CSMD1: variants seen among roughly 807,000 people sequenced by gnomAD.
CSMD1 encodes the protein CUB and Sushi multiple domains 1.
CSMD1 carries 213 observed loss-of-function variants against 417.5 expected under a neutral mutation model. The ratio of observed to expected loss-of-function variants is 0.51; its 90% CI spans 0.46 to 0.57. CSMD1 has a LOEUF of 0.57. Among genes scored for constraint, CSMD1 ranks in the 20% least tolerant of loss-of-function variants. The pLI, the probability that CSMD1 is intolerant of heterozygous loss-of-function variation, is 0.00. For synonymous variants in CSMD1, 2,862 were observed against 1,736.8 expected (o/e 1.65, Z -16.11); for missense variants, 6,923 against 4,529.7 (o/e 1.53, Z -15.17).
intron 54 of CSMD1, among the ~76,000 whole-genome samples, chr8:2,985,221 T>C (rs902337079): frequency 3.3e-5 from 5 of 152,230 alleles, no homozygotes; most frequent in African/African-American, 1.2e-4. Context: ...CTTTATTTTG[T>C]TTTCAAAAAG....
intron 7 of CSMD1, among the ~76,000 whole-genome samples, chr8:3,638,728 T>C (rs980896806): frequency 1.3e-5 from 2 of 152,152 alleles, no homozygotes; most frequent in Non-Finnish European, 2.9e-5. Context: ...GAATACAGAA[T>C]GTAGCTGTGA....
At chr8:4,457,168 G>C (rs538311669) in intron 2 of CSMD1, among the ~76,000 whole-genome samples, 1 of 152,030 alleles carries the variant, frequency 6.6e-6, no homozygotes, top group South Asian at 2.1e-4. Context: ...TGGGTTTTAC[G>C]GACCTAGATG....
chr8:4,101,196 C>T (rs892126814), intron 3 of CSMD1, among the ~76,000 whole-genome samples: 8 of 152,216 alleles, frequency 5.3e-5, no homozygotes, highest in African/African-American at 1.9e-4. Flanking sequence ...TATATGCCTA[C>T]ATACACGTAT....
At chr8:3,763,881 C>G (rs907844455) in intron 5 of CSMD1, among the ~76,000 whole-genome samples, 3 of 152,092 alleles carry the variant, frequency 2.0e-5, no homozygotes, top group Admixed American at 6.6e-5. Flanking sequence ...CCTCAGCACC[C>G]CTGACTGGAG....
chr8:4,902,276 A>T (rs1262152862), intron 1 of CSMD1, among the ~76,000 whole-genome samples: 1 of 72,252 alleles, frequency 1.4e-5, no homozygotes, highest in African/African-American at 5.6e-5. Flanking sequence ...TCTATCTATT[A>T]AAAAAAAAAA....
chr8:4,169,093 A>T (rs187917090), intron 3 of CSMD1, among the ~76,000 whole-genome samples: 1 of 152,166 alleles, frequency 6.6e-6, no homozygotes, highest in Non-Finnish European at 1.5e-5. Flanking sequence ...CTGCTGGCTT[A>T]GTCCTTGAAC....
intron 26 of CSMD1, among the ~76,000 whole-genome samples, chr8:3,283,694 T>C (rs536878853): frequency 3.9e-4 from 59 of 152,202 alleles, no homozygotes; most frequent in African/African-American, 1.3e-3. Context: ...AGAAGGACAC[T>C]CCCAGGATGC....
At chr8:4,222,521 T>C (rs1426950222) in intron 3 of CSMD1, among the ~76,000 whole-genome samples, 1 of 152,158 alleles carries the variant, frequency 6.6e-6, no homozygotes, top group Non-Finnish European at 1.5e-5. Context: ...TATTGTTAAA[T>C]AATCAAGAAA....
At chr8:3,300,703 T>A (rs531297776) in intron 25 of CSMD1, among the ~76,000 whole-genome samples, 20 of 152,118 alleles carry the variant, frequency 1.3e-4, no homozygotes, top group African/African-American at 4.8e-4. Flanking sequence ...ACGCTTCTAA[T>A]CCCAGTGCTT....
chr8:3,908,541 G>A (rs892203465), intron 5 of CSMD1, among the ~76,000 whole-genome samples: 4 of 152,014 alleles, frequency 2.6e-5, no homozygotes, highest in Admixed American at 6.6e-5. Flanking sequence ...TAACCTAAGG[G>A]AAACACTTTT....
At chr8:4,722,603 G>C (rs149788229) in intron 1 of CSMD1, among the ~76,000 whole-genome samples, 120 of 152,110 alleles carry the variant, frequency 7.9e-4, no homozygotes, top group African/African-American at 2.9e-3. Context: ...GAGGAGCCCT[G>C]AACTACAGGG....
rs113262121 is a variant in CSMD1, at chr8:4,007,443, A to G, written c.611-9333T>C. 4.6e-3 allele frequency among the ~76,000 whole-genome samples: 695 copies of G among 152,260 alleles called. 7 individuals are homozygous for G. The highest frequency in any genetic ancestry group is 0.016 in the African/African-American group (654 of 41,560). On this transcript the variant is annotated intron_variant, in intron 4 of 69. Coordinates refer to ENST00000635120, the MANE Select transcript of CSMD1 (RefSeq NM_033225.6). ...TGCAATGACCACCTGCCTGAGAAGCACATCTCCCTGTCTGACTTCAGAGCC... is the reference window on the plus strand; with the variant it reads ...TGCAATGACCACCTGCCTGAGAAGCGCATCTCCCTGTCTGACTTCAGAGCC...
intron 10 of CSMD1, among the ~76,000 whole-genome samples, chr8:3,520,093 T>C (rs1218746312): frequency 6.6e-6 from 1 of 150,896 alleles, no homozygotes; most frequent in Admixed American, 6.6e-5. Context: ...ATTCTATCAT[T>C]TATGCTTCTT....
intron 3 of CSMD1, among the ~76,000 whole-genome samples, chr8:4,104,752 A>G (rs1801483221): frequency 6.6e-6 from 1 of 152,196 alleles, no homozygotes; most frequent in African/African-American, 2.4e-5. Flanking sequence ...GGGGAAAAGC[A>G]CAATCCGGCT....
chr8:4,881,071 TC>T (rs1285560061), intron 1 of CSMD1, among the ~76,000 whole-genome samples: 2 of 152,028 alleles, frequency 1.3e-5, no homozygotes, highest in African/African-American at 4.8e-5. Context: ...CCTAGAGGAC[TC>T]TGCCAGCTAC....
At chr8:4,754,973 C>T (rs1811576894) in intron 1 of CSMD1, among the ~76,000 whole-genome samples, 2 of 152,048 alleles carry the variant, frequency 1.3e-5, no homozygotes, top group Admixed American at 6.6e-5. Flanking sequence ...CCTGTCTCTA[C>T]TAAAAACACA....
chr8:4,333,829 C>G (rs1223894017), intron 3 of CSMD1, among the ~76,000 whole-genome samples: 2 of 152,074 alleles, frequency 1.3e-5, no homozygotes, highest in African/African-American at 4.8e-5. Flanking sequence ...CTCTATGCTT[C>G]TCATTAGCTT....
intron 1 of CSMD1, among the ~76,000 whole-genome samples, chr8:4,898,020 AG>A (rs1804619072): frequency 6.6e-6 from 1 of 152,162 alleles, no homozygotes; most frequent in Non-Finnish European, 1.5e-5. Flanking sequence ...AACAGACTTC[AG>A]TTTATAAAAC....
chr8:3,113,799 T>C (rs1816685285), intron 42 of CSMD1, among the ~76,000 whole-genome samples: 1 of 152,190 alleles, frequency 6.6e-6, no homozygotes, highest in Admixed American at 6.5e-5. Flanking sequence ...TTGGCACACC[T>C]TGGCACAGGA....
Sources: gnomAD v4.1 joint callset for allele counts (sites outside exome capture counted in the v4.1 genomes callset) on GRCh38, gnomAD v4.1.1 for gene constraint, MANE v1.5 for transcripts, NCBI Gene and HGNC (gene_info 2026-07-23, HGNC 2026-07-21) for gene names.